BMP6: variants seen among roughly 807,000 people sequenced by gnomAD.
BMP6 encodes the protein bone morphogenetic protein 6, also known as VG-1-R.
Under a neutral mutation model 54.1 loss-of-function variants are expected in BMP6, and 17 were observed. That is an observed-to-expected ratio of 0.31 (90% confidence interval 0.22 to 0.47). The LOEUF is 0.47. BMP6 is among the 20% of genes least tolerant of loss of function. The probability of loss-of-function intolerance (pLI) is 1.00; values close to 1 mark genes in which losing one functional copy is unlikely to be tolerated. For missense variants in BMP6, 720 were observed against 690.4 expected, an observed-to-expected ratio of 1.04 and a Z score of -0.48; for synonymous variants, 328 against 291.2, an observed-to-expected ratio of 1.13 and a Z score of -1.28.
At chr6:7,835,749 C>A (rs1281310936) in intron 1 of BMP6, among the ~76,000 whole-genome samples, 1 of 152,188 alleles carries the variant, frequency 6.6e-6, no homozygotes, top group African/African-American at 2.4e-5. Context: ...GACTGAAGTG[C>A]CTGAGTGTGC....
intron 4 of BMP6, among the ~76,000 whole-genome samples, chr6:7,869,077 C>T (rs565847779): frequency 2.6e-5 from 4 of 152,258 alleles, no homozygotes; most frequent in African/African-American, 9.6e-5. Context: ...GCGCACCCCC[C>T]CTGGGAGCCC....
At chr6:7,730,736 C>G (rs1761839744) in intron 1 of BMP6, among the ~76,000 whole-genome samples, 1 of 152,168 alleles carries the variant, frequency 6.6e-6, no homozygotes, top group Non-Finnish European at 1.5e-5. Context: ...TATAGGGATA[C>G]TAGAGAATTA....
At chr6:7,856,595 A>ATTTTTTTTTTTTTTTTTTTTTTTTTTT (rs70982115) in intron 2 of BMP6, among the ~76,000 whole-genome samples, 10 of 83,116 alleles carry the variant, frequency 1.2e-4, no homozygotes, top group African/African-American at 2.1e-4. Flanking sequence ...TATCAAGAGC[A>ATTTTTTTTTTTTTTTTTTTTTTTTTTT]TTTTTTTTTT....
chr6:7,754,541 C>T (rs1199723069), intron 1 of BMP6, among the ~76,000 whole-genome samples: 2 of 152,154 alleles, frequency 1.3e-5, no homozygotes, highest in Non-Finnish European at 2.9e-5. Context: ...TGTTTTGAAG[C>T]CCTGTTCCTG....
In BMP6 at chr6:7,727,094, G is replaced by T; in HGVS notation, c.139G>T (p.Gly47Cys). ...AAAGGQLLGD[G>C]GSPGRTEQPP... Reference sequence around the variant, plus strand: ...CGCCGGGGGGCAGCTGCTGGGGGACGGCGGGAGCCCCGGCCGCACGGAGCA... The same window carrying T: ...CGCCGGGGGGCAGCTGCTGGGGGACTGCGGGAGCCCCGGCCGCACGGAGCA... The change falls in exon 1 of 7, where the codon GGC (glycine) becomes TGC (cysteine). Residue 47 changes from glycine to cysteine, a missense_variant. Gly to Cys is a radical substitution (Grantham distance 159). Coordinates refer to ENST00000283147, the MANE Select transcript of BMP6 (RefSeq NM_001718.6). 1 of 1,339,754 alleles carries T rather than the reference G, an allele frequency of 7.5e-7. No homozygotes were observed. The allele number at this position is 1,339,754 out of a possible 1,614,324, so 83.0% of individuals were successfully genotyped here. A position where few individuals can be genotyped will look rare whatever the true frequency, so the allele number is the denominator to read the frequency against.
Position 7,809,823 on chromosome 6 carries a change from G to A in BMP6, c.665-35317G>A, listed in dbSNP as rs73381657. Among the ~76,000 whole-genome samples the A allele has an allele frequency of 6.7e-3, 1,021 of 152,228 alleles. 10 individuals carry two copies. The highest frequency in any genetic ancestry group is 0.023 in the African/African-American group (972 of 41,528). On this transcript the variant is annotated intron_variant, in intron 1 of 6. Coordinates refer to ENST00000283147, the MANE Select transcript of BMP6 (RefSeq NM_001718.6). ...TTGCTATGTACAAAGTAGCCTCATC[G>A]GTTTGAATGCTTAGGAATTTTTCTA...
At chr6:7,814,986 A>G (rs1480585708) in intron 1 of BMP6, among the ~76,000 whole-genome samples, 3 of 152,214 alleles carry the variant, frequency 2.0e-5, no homozygotes, top group Non-Finnish European at 4.4e-5. Flanking sequence ...AAGTAAAATA[A>G]TAATAATTTT....
chr6:7,767,768 CTG>C (rs1297968866), intron 1 of BMP6, among the ~76,000 whole-genome samples: 4 of 152,144 alleles, frequency 2.6e-5, no homozygotes, highest in Non-Finnish European at 4.4e-5. Flanking sequence ...TTGGTGCTTG[CTG>C]TGTCTCTTGT....
chr6:7,782,776 C>A (rs1490697851), intron 1 of BMP6, among the ~76,000 whole-genome samples: 1 of 152,100 alleles, frequency 6.6e-6, no homozygotes, highest in African/African-American at 2.4e-5. Context: ...GCAGACGAGA[C>A]AGCCCAGGAC....
chr6:7,877,516 G>C (rs1044884203), intron 4 of BMP6, among the ~76,000 whole-genome samples: 1 of 152,112 alleles, frequency 6.6e-6, no homozygotes, highest in Admixed American at 6.5e-5. Context: ...CCAGCTACTC[G>C]GGAGACTGAG....
At chr6:7,812,409 G>A (rs1484090845) in intron 1 of BMP6, among the ~76,000 whole-genome samples, 2 of 152,136 alleles carry the variant, frequency 1.3e-5, no homozygotes, top group Non-Finnish European at 2.9e-5. Context: ...GAAAATAAAG[G>A]TGATGGTTTT....
intron 1 of BMP6, among the ~76,000 whole-genome samples, chr6:7,738,003 A>G (rs1761979851): frequency 2.6e-5 from 4 of 151,526 alleles, no homozygotes; most frequent in Non-Finnish European, 4.4e-5. Context: ...TATCTTGTTC[A>G]AGCCACTTAA....
chr6:7,728,524 ACT>A (rs991260383), intron 1 of BMP6, among the ~76,000 whole-genome samples: 1 of 151,826 alleles, frequency 6.6e-6, no homozygotes, highest in Admixed American at 6.6e-5. Flanking sequence ...CTCCCACCCC[ACT>A]GAGTTTTCTC....
intron 1 of BMP6, among the ~76,000 whole-genome samples, chr6:7,740,646 CG>C (rs1762029026): frequency 6.6e-6 from 1 of 152,110 alleles, no homozygotes; most frequent in Non-Finnish European, 1.5e-5. Context: ...CACCCTGACT[CG>C]GGGGATTTGG....
intron 1 of BMP6, among the ~76,000 whole-genome samples, chr6:7,796,131 T>C (rs1477897266): frequency 6.6e-6 from 1 of 152,012 alleles, no homozygotes; most frequent in Non-Finnish European, 1.5e-5. Flanking sequence ...GTTCTTGAGA[T>C]AGACAAAGAA....
chr6:7,845,477 G>C, intron 2 of BMP6, 145 bp downstream of exon 2: 1 of 637,350 alleles, frequency 1.6e-6, no homozygotes, highest in Non-Finnish European at 2.4e-6. Context: ...TGTTGTAAAT[G>C]GGAGTGTTTA....
chr6:7,836,712 T>G (rs1488000998), intron 1 of BMP6, among the ~76,000 whole-genome samples: 1 of 152,228 alleles, frequency 6.6e-6, no homozygotes, highest in South Asian at 2.1e-4. Context: ...TTTGTGATTC[T>G]TATAGAATAT....
chr6:7,801,130 C>T (rs987625922), intron 1 of BMP6, among the ~76,000 whole-genome samples: 1 of 152,206 alleles, frequency 6.6e-6, no homozygotes, highest in East Asian at 1.9e-4. Context: ...GATGCTCTCT[C>T]CTGCACAAAT....
intron 4 of BMP6, among the ~76,000 whole-genome samples, chr6:7,867,271 A>T (rs962426931): frequency 6.6e-6 from 1 of 152,166 alleles, no homozygotes. Flanking sequence ...ACATTCAGGG[A>T]TACTCCTGAC....
Sources: gnomAD v4.1 joint callset for allele counts (sites outside exome capture counted in the v4.1 genomes callset) on GRCh38, gnomAD v4.1.1 for gene constraint, MANE v1.5 for transcripts, NCBI Gene and HGNC (gene_info 2026-07-23, HGNC 2026-07-21) for gene names.